The following SOX6 variants were observed in gnomAD, a reference collection of about 807,000 sequenced individuals.
SOX6 encodes the protein transcription factor SOX-6.
A neutral mutation model predicts 97.8 loss-of-function variants in SOX6; 11 were observed. That is an observed-to-expected ratio of 0.11 (90% CI 0.07 to 0.19). The LOEUF is 0.19. Among genes scored for constraint, SOX6 ranks in the 10% least tolerant of loss-of-function variants. The pLI, the probability that SOX6 is intolerant of heterozygous loss-of-function variation, is 1.00. For missense variants in SOX6, 810 were observed against 1,039.5 expected (o/e 0.78, Z 3.04); for synonymous variants, 360 against 371.4 (o/e 0.97, Z 0.35).
intron 6 of SOX6, among the ~76,000 whole-genome samples, chr11:16,182,958 C>T (rs1349984): frequency 0.59 from 88,981 of 151,382 alleles, 27,149 homozygotes; most frequent in East Asian, 0.75. Context: ...AAAGTAATAA[C>T]ATAATTCAGA....
At chr11:16,371,653 G>T (rs1055085471) in intron 1 of SOX6, among the ~76,000 whole-genome samples, 3 of 151,770 alleles carry the variant, frequency 2.0e-5, no homozygotes, top group Admixed American at 2.0e-4. Context: ...TAATGAATAT[G>T]TGTACATAGA....
chr11:16,343,736 C>T (rs2014408), intron 1 of SOX6, among the ~76,000 whole-genome samples: 26,070 of 151,780 alleles, frequency 0.17, 2,732 homozygotes, highest in Admixed American at 0.29. Flanking sequence ...AGAAATTACA[C>T]GCTGAATACA....
At chr11:16,411,571 A>G (rs1858820158) in intron 1 of SOX6, among the ~76,000 whole-genome samples, 1 of 152,236 alleles carries the variant, frequency 6.6e-6, no homozygotes, top group Non-Finnish European at 1.5e-5. Flanking sequence ...TACATTTACT[A>G]CAAAATGGTC....
intron 6 of SOX6, among the ~76,000 whole-genome samples, chr11:16,157,816 A>G (rs1850641953): frequency 1.3e-5 from 2 of 151,686 alleles, no homozygotes; most frequent in South Asian, 4.2e-4. Context: ...CTTTGTTCAG[A>G]CTCTTCTCTC....
intron 4 of SOX6, among the ~76,000 whole-genome samples, chr11:16,584,811 C>A (rs1033663241): frequency 6.6e-6 from 1 of 152,192 alleles, no homozygotes; most frequent in African/African-American, 2.4e-5. Context: ...CCTTCTGTGG[C>A]CTAGAAATCT....
At chr11:16,368,782 A>G (rs2134389132) in intron 1 of SOX6, among the ~76,000 whole-genome samples, 1 of 152,282 alleles carries the variant, frequency 6.6e-6, no homozygotes. Context: ...TATCAAGAAA[A>G]TGAAAAGACA....
chr11:16,709,185 C>A (rs966417101), intron 3 of SOX6, among the ~76,000 whole-genome samples: 3 of 152,136 alleles, frequency 2.0e-5, no homozygotes, highest in African/African-American at 4.8e-5. Flanking sequence ...TTGCTGCCCT[C>A]ATGATAGCGA....
intron 4 of SOX6, among the ~76,000 whole-genome samples, chr11:16,550,502 A>C (rs184535821): frequency 6.6e-6 from 1 of 151,988 alleles, no homozygotes; most frequent in African/African-American, 2.4e-5. Flanking sequence ...TAAAAAATCT[A>C]TATCTTAAGT....
intron 3 of SOX6, among the ~76,000 whole-genome samples, chr11:16,694,258 T>G (rs1430468379): frequency 1.3e-5 from 2 of 152,210 alleles, no homozygotes; most frequent in African/African-American, 4.8e-5. Flanking sequence ...CCAGGCATGG[T>G]AGCTCACATC....
intron 12 of SOX6, among the ~76,000 whole-genome samples, chr11:16,040,786 A>G (rs1467793708): frequency 1.3e-5 from 2 of 152,078 alleles, no homozygotes; most frequent in Non-Finnish European, 2.9e-5. Flanking sequence ...AGCTGGTCTT[A>G]GTTTCTTCAT....
chr11:16,271,108 A>G (rs1854246478), intron 3 of SOX6, among the ~76,000 whole-genome samples: 1 of 151,336 alleles, frequency 6.6e-6, no homozygotes, highest in African/African-American at 2.4e-5. Context: ...GTTACAAATT[A>G]TTTTGCAGCT....
rs202153336 is a variant in SOX6, at chr11:16,515,741, G to T, written n.610-39353C>A. 4.6e-5 allele frequency among the ~76,000 whole-genome samples: 6 copies of T among 129,092 alleles called. No individual in the cohort carries two copies. The East Asian group carries it at 1.1e-3, about 24-fold the overall frequency. 84.7% of individuals were successfully genotyped at this position (129,092 alleles called of 152,430 possible). A position where few individuals can be genotyped will look rare whatever the true frequency, so the allele number is the denominator to read the frequency against. The stretch of plus-strand genomic sequence containing the variant: ...ATTTTTGTATAAGGTGTAAGGAAGG[G>T]ATCCAGTTTCACCTTTCTACATATG... On this transcript the variant is annotated intron_variant and non_coding_transcript_variant, in intron 4 of 5. Coordinates refer to the SOX6 transcript ENST00000524520.
At chr11:16,735,543 A>C (rs1474614760) in intron 2 of SOX6, among the ~76,000 whole-genome samples, 1 of 152,204 alleles carries the variant, frequency 6.6e-6, no homozygotes, top group Non-Finnish European at 1.5e-5. Flanking sequence ...ACTTCCTGAC[A>C]TATATGAAGC....
chr11:16,329,882 C>A (rs764366942), intron 2 of SOX6, among the ~76,000 whole-genome samples: 1 of 152,140 alleles, frequency 6.6e-6, no homozygotes, highest in African/African-American at 2.4e-5. Flanking sequence ...ATATGAAACA[C>A]GTTCCAATCT....
At chr11:16,093,633 C>G (rs1848736784) in intron 9 of SOX6, among the ~76,000 whole-genome samples, 1 of 151,796 alleles carries the variant, frequency 6.6e-6, no homozygotes, top group Admixed American at 6.6e-5. Flanking sequence ...TAAGCTTTCC[C>G]TCCTAAGAAT....
At chr11:16,368,926 A>G (rs554049865) in intron 1 of SOX6, among the ~76,000 whole-genome samples, 4 of 152,272 alleles carry the variant, frequency 2.6e-5, no homozygotes, top group South Asian at 2.1e-4. Flanking sequence ...AAAAATTTGA[A>G]TAGATATTTC....
chr11:16,354,144 ACT>A (rs1443440246), intron 1 of SOX6, among the ~76,000 whole-genome samples: 2 of 151,862 alleles, frequency 1.3e-5, no homozygotes, highest in Non-Finnish European at 2.9e-5. Flanking sequence ...AAGTTACTTA[ACT>A]CTCTGAGTCT....
At chr11:16,103,253 C>T (rs1002935769) in intron 7 of SOX6, among the ~76,000 whole-genome samples, 18 of 151,572 alleles carry the variant, frequency 1.2e-4, no homozygotes, top group African/African-American at 4.4e-4. Context: ...ACACAAATGG[C>T]CAATGATCAT....
chr11:16,463,491 G>A (rs969985868), intron 1 of SOX6, among the ~76,000 whole-genome samples: 3 of 152,172 alleles, frequency 2.0e-5, no homozygotes, highest in African/African-American at 7.2e-5. Context: ...AACCAACTGG[G>A]TATTGCAGGG....
Sources: allele counts gnomAD v4.1 joint callset (sites outside exome capture counted in the v4.1 genomes callset), GRCh38; gene constraint gnomAD v4.1.1; transcripts MANE v1.5; gene names NCBI Gene and HGNC (gene_info 2026-07-23, HGNC 2026-07-21).